The following FARP2 variants were observed in gnomAD, a reference collection of about 807,000 sequenced individuals.
FARP2 encodes the protein FERM, ARHGEF and pleckstrin domain-containing protein 2.
In FARP2, 111 loss-of-function variants were observed where a neutral mutation model predicts 130.5. The observed-to-expected ratio is 0.85, with a 90% CI of 0.73 to 1.00. The LOEUF (loss-of-function observed/expected upper bound fraction) is 1.00, where lower values mean the gene tolerates loss of function less well. Ranked by LOEUF, FARP2 falls within the 50% of genes least tolerant of loss-of-function variation. FARP2 has a pLI of 0.00. For synonymous variants in FARP2, 504 were observed against 516.9 expected (o/e 0.98, Z 0.34); for missense variants, 1,385 against 1,346.3 (o/e 1.03, Z -0.45).
intron 19 of FARP2, among the ~76,000 whole-genome samples, chr2:241,481,656 A>G (rs999410727): frequency 2.6e-5 from 4 of 152,194 alleles, no homozygotes; most frequent in African/African-American, 7.2e-5. Context: ...GGCTCATGTT[A>G]CATAGTGTTA....
intron 12 of FARP2, among the ~76,000 whole-genome samples, chr2:241,439,175 C>A (rs556562414): frequency 4.6e-5 from 7 of 152,080 alleles, no homozygotes; most frequent in African/African-American, 9.6e-5. Flanking sequence ...GCCACCGCAC[C>A]CAGCTAATTT....
chr2:241,492,563 T>G (rs2064958737), intron 24 of FARP2: 1 of 180,642 alleles, frequency 5.5e-6, no homozygotes, highest in Non-Finnish European at 1.2e-5. Context: ...GTGCCTTTAC[T>G]TGCCTCTCCC....
chr2:241,438,015 G>A (rs897249974), intron 12 of FARP2, among the ~76,000 whole-genome samples: 5 of 151,958 alleles, frequency 3.3e-5, no homozygotes, highest in African/African-American at 9.7e-5. Context: ...CACCATGTTG[G>A]CCAGGCTGGT....
intron 19 of FARP2, among the ~76,000 whole-genome samples, chr2:241,479,275 C>T (rs750912741): frequency 3.9e-5 from 6 of 152,194 alleles, no homozygotes; most frequent in Non-Finnish European, 8.8e-5. Flanking sequence ...CCACTCAATC[C>T]CCGAAGATCA....
chr2:241,374,209 G>T (rs1412740791), intron 2 of FARP2, among the ~76,000 whole-genome samples: 1 of 151,878 alleles, frequency 6.6e-6, no homozygotes, highest in Non-Finnish European at 1.5e-5. Flanking sequence ...ACAGGGTTTT[G>T]CCATGTTGCC....
Position 241,418,125 on chromosome 2 carries a change from A to ATTCC in FARP2, c.771+16_771+17insTTCC, listed in dbSNP as rs34391028. ...CGTGTTCCAGGTAGGCCAGTGGGGA[A>ATTCC]GGGAGGGGTGAGAACAGGGCAGGGG... On this transcript the variant is annotated intron_variant, in intron 8 of 26. Transcript: ENST00000264042. 5.6e-6 allele frequency: 9 copies of ATTCC among 1,613,912 alleles called. No homozygotes were observed. In the African/African-American group the frequency reaches 1.1e-4, roughly 19 times the overall value.
intron 14 of FARP2, among the ~76,000 whole-genome samples, chr2:241,461,141 ACCT>A (rs2064005823): frequency 1.3e-5 from 2 of 151,934 alleles, no homozygotes; most frequent in Non-Finnish European, 2.9e-5. Flanking sequence ...CTCCTCCCAA[ACCT>A]CCAGTCATGG....
intron 19 of FARP2, among the ~76,000 whole-genome samples, chr2:241,481,114 A>G (rs1273539818): frequency 6.6e-6 from 1 of 151,690 alleles, no homozygotes; most frequent in Non-Finnish European, 1.5e-5. Context: ...CTGTGGTCCC[A>G]GCTACCCAGG....
Position 241,493,593 on chromosome 2 carries a change from C to A in FARP2, c.3047+149C>A, listed in dbSNP as rs991231770. 123 of 629,800 alleles carry A rather than the reference C, an allele frequency of 2.0e-4. 1 individual carries two copies. The highest frequency in any genetic ancestry group is 2.3e-4 in the Non-Finnish European group (88 of 378,098). 39.0% of individuals were successfully genotyped at this position (629,800 alleles called of 1,614,324 possible). On this transcript the variant is annotated intron_variant, in intron 26 of 26. Coordinates refer to ENST00000264042, the MANE Select transcript of FARP2 (RefSeq NM_014808.4). ...CCAGCATTTCCAAAAAACAGCAATG[C>A]TTTGTTTTTTTTTTTTTTGGAGATG...
chr2:241,443,273 T>C (rs1215410157), intron 13 of FARP2: 4 of 154,190 alleles, frequency 2.6e-5, no homozygotes, highest in Non-Finnish European at 5.8e-5. Context: ...TTTAAAGGTG[T>C]CAAAGGGCCA....
intron 7 of FARP2, among the ~76,000 whole-genome samples, chr2:241,415,823 G>A (rs1193061417): frequency 6.6e-6 from 1 of 152,176 alleles, no homozygotes; most frequent in African/African-American, 2.4e-5. Context: ...TCTGAGCTTG[G>A]CAGTGTGGCA....
Position 241,475,966 on chromosome 2 carries a change from G to A in FARP2, c.2241G>A (p.Glu747=). The change falls in exon 19 of 27, where the codon GAG becomes GAA. Residue 747 remains glutamate (E), a synonymous_variant. Transcript: ENST00000264042. The surrounding 1 kb of genome is among the most constrained non-coding windows in gnomAD (Gnocchi z 4.4). ...TELQRDLVGI[E]NLIAPGREFI... The stretch of plus-strand genomic sequence containing the variant: ...TGCAGCGGGACCTGGTGGGCATAGA[G>A]AACCTCATTGCTCCTGGCAGGGTGA... 2 of 1,613,812 alleles carry A rather than the reference G, an allele frequency of 1.2e-6. No homozygotes were observed. Among genetic ancestry groups the A allele is most frequent in the East Asian group, 2.2e-5 (1 of 44,876 alleles).
At chr2:241,492,856 T>C (rs2064977548) in intron 24 of FARP2, 73 bp from the exon 25 acceptor site, 1 of 847,136 alleles carries the variant, frequency 1.2e-6, no homozygotes. Context: ...GGCTTAGTCT[T>C]GGGGAGCAAA....
At chr2:241,454,742 A>G (rs1215110268) in intron 13 of FARP2, among the ~76,000 whole-genome samples, 1 of 152,220 alleles carries the variant, frequency 6.6e-6, no homozygotes, top group Admixed American at 6.5e-5. Context: ...ATAAAAGCAA[A>G]TTCTAATAAA....
chr2:241,390,526 T>C (rs990047083), intron 2 of FARP2, among the ~76,000 whole-genome samples: 4 of 152,244 alleles, frequency 2.6e-5, no homozygotes, highest in South Asian at 2.1e-4. Flanking sequence ...TGTCCATCTG[T>C]TGTTTGGGCC....
chr2:241,416,021 G>C (rs1404092193), intron 7 of FARP2, among the ~76,000 whole-genome samples: 1 of 150,396 alleles, frequency 6.6e-6, no homozygotes, highest in Non-Finnish European at 1.5e-5. Flanking sequence ...GTGTGTGTGT[G>C]TGTGTGTGTG....
Position 241,441,563 on chromosome 2 carries a change from G to A in FARP2, c.1411+7G>A. The A allele has an allele frequency of 6.2e-7, 1 of 1,613,990 alleles. No homozygotes were observed. Among genetic ancestry groups the A allele is most frequent in the Non-Finnish European group, 8.5e-7 (1 of 1,180,042 alleles). The stretch of plus-strand genomic sequence containing the variant: ...GCACTCCAGCCTGGTCCAGGTGTCG[G>A]GTTTTGTCATGTCGTGAGCAGCTGT... On this transcript the variant is annotated splice_region_variant and intron_variant, in intron 13 of 26. Coordinates refer to ENST00000264042, the MANE Select transcript of FARP2 (RefSeq NM_014808.4).
In FARP2 at chr2:241,456,696, T is replaced by C. The variant is rs779716965; in HGVS notation, c.1412-51T>C. ...GAGTAGTAGCGGCTCTAAGCCAGCC[T>C]CACAGCCCTTTCTCATTTCTCGCTC... On this transcript the variant is annotated intron_variant, in intron 13 of 26. Transcript: ENST00000264042. 3 of 1,597,734 alleles carry C rather than the reference T, an allele frequency of 1.9e-6. No homozygotes were observed. The Admixed American group carries it at 5.0e-5, about 27-fold the overall frequency.
intron 1 of FARP2, among the ~76,000 whole-genome samples, chr2:241,359,406 A>G (rs1394953981): frequency 2.0e-5 from 3 of 152,120 alleles, no homozygotes; most frequent in Admixed American, 1.3e-4. Context: ...CCCAGCTGCA[A>G]AACCTACTTT....
Sources: allele counts gnomAD v4.1 joint callset (sites outside exome capture counted in the v4.1 genomes callset), GRCh38; gene constraint gnomAD v4.1.1; non-coding constraint Gnocchi (gnomAD v3.1); transcripts MANE v1.5; gene names NCBI Gene and HGNC (gene_info 2026-07-23, HGNC 2026-07-21).